Variants in ZFHX3 observed in about 807,000 individuals in gnomAD.
ZFHX3 encodes zinc finger homeobox protein 3.
Under a neutral mutation model 279.1 loss-of-function variants are expected in ZFHX3, and 42 were observed. The observed-to-expected ratio is 0.15, with a 90% CI of 0.12 to 0.19. The LOEUF (loss-of-function observed/expected upper bound fraction) is 0.19. ZFHX3 is among the 10% of genes least tolerant of loss of function. ZFHX3 has a pLI of 1.00. For synonymous variants in ZFHX3, 2,293 were observed against 1,957.8 expected (o/e 1.17, Z -4.52); for missense variants, 4,981 against 4,754.0 (o/e 1.05, Z -1.40).
At chr16:73,507,485 C>CTT (rs752001880) in intron 2 of ZFHX3, among the ~76,000 whole-genome samples, 1,726 of 79,760 alleles carry the variant, frequency 0.022, 183 homozygotes, top group African/African-American at 0.044. Context: ...AGCTCTGCCA[C>CTT]TTTTTTTTTT....
intron 1 of ZFHX3, among the ~76,000 whole-genome samples, chr16:73,000,046 T>C (rs1344133270): frequency 6.6e-6 from 1 of 152,228 alleles, no homozygotes; most frequent in African/African-American, 2.4e-5. Flanking sequence ...CTGGGCTTTG[T>C]TCCCGGAGCC....
chr16:73,632,642 C>T lies in ZFHX3; in HGVS notation c.-1547+47538G>A, dbSNP rs145313795. 6.5e-4 allele frequency among the ~76,000 whole-genome samples: 97 copies of T among 149,990 alleles called. No homozygotes were observed. The East Asian group carries it at 0.017, about 26-fold the overall frequency. On this transcript the variant is annotated intron_variant, in intron 2 of 17. Coordinates refer to the ZFHX3 transcript ENST00000641206. ...TGAAGGTAGCAGTGAGCTGAGATCG[C>T]GCCACTGCACTCCAGCCTGGCAACA...
At chr16:73,503,168 T>A (rs1018338877) in intron 2 of ZFHX3, among the ~76,000 whole-genome samples, 7 of 152,196 alleles carry the variant, frequency 4.6e-5, no homozygotes, top group Admixed American at 4.6e-4. Context: ...CACAATTTCA[T>A]CTCCGAGGTG....
At chr16:73,865,909 C>T (rs8056853) in intron 1 of ZFHX3, among the ~76,000 whole-genome samples, 10,077 of 151,982 alleles carry the variant, frequency 0.066, 822 homozygotes, top group African/African-American at 0.19. Flanking sequence ...GGTGTGAACC[C>T]GGGAGGCAGA....
chr16:73,848,288 C>T (rs1007533703), intron 1 of ZFHX3, among the ~76,000 whole-genome samples: 16 of 152,092 alleles, frequency 1.1e-4, no homozygotes, highest in African/African-American at 3.9e-4. Context: ...TAGGAGCACT[C>T]AGGAGCTTCC....
At chr16:72,971,023 G>C (rs1411228638) in intron 1 of ZFHX3, among the ~76,000 whole-genome samples, 1 of 152,182 alleles carries the variant, frequency 6.6e-6, no homozygotes, top group African/African-American at 2.4e-5. Flanking sequence ...ACCACTGGTA[G>C]GTAGTTTTTC....
intron 3 of ZFHX3, among the ~76,000 whole-genome samples, chr16:73,427,227 T>C (rs922162944): frequency 2.6e-5 from 4 of 152,220 alleles, no homozygotes; most frequent in Non-Finnish European, 5.9e-5. Context: ...ATGCAATATA[T>C]TGTCACTTAT....
At chr16:73,416,898 G>A (rs2017599591) in intron 3 of ZFHX3, among the ~76,000 whole-genome samples, 1 of 151,950 alleles carries the variant, frequency 6.6e-6, no homozygotes, top group African/African-American at 2.4e-5. Flanking sequence ...GCAAGTTGAG[G>A]AGTAGGATAT....
chr16:73,353,408 G>T (rs1030885127), intron 3 of ZFHX3, among the ~76,000 whole-genome samples: 1 of 152,226 alleles, frequency 6.6e-6, no homozygotes. Context: ...ACTGAAATGA[G>T]CACACACTGG....
At chr16:72,947,027 C>T (rs988385261) in intron 3 of ZFHX3, among the ~76,000 whole-genome samples, 4 of 152,196 alleles carry the variant, frequency 2.6e-5, no homozygotes, top group South Asian at 2.1e-4. Flanking sequence ...CAGCCAATCA[C>T]GGGGATCCCA....
intron 3 of ZFHX3, among the ~76,000 whole-genome samples, chr16:73,438,120 T>C (rs1440911791): frequency 6.6e-6 from 1 of 152,164 alleles, no homozygotes; most frequent in East Asian, 1.9e-4. Flanking sequence ...CAATTTTATG[T>C]CCAAGGCAGA....
intron 5 of ZFHX3, among the ~76,000 whole-genome samples, chr16:73,156,980 T>G (rs1008300882): frequency 2.6e-5 from 4 of 151,828 alleles, no homozygotes; most frequent in African/African-American, 7.2e-5. Flanking sequence ...CCAAAGTGCT[T>G]GGATTGCAGG....
chr16:73,378,181 G>A (rs1031631979), intron 3 of ZFHX3, among the ~76,000 whole-genome samples: 14 of 151,902 alleles, frequency 9.2e-5, no homozygotes, highest in African/African-American at 2.7e-4. Context: ...TTCCTGAAAG[G>A]CCTGCTACTC....
At chr16:73,318,551 T>A (rs935977472) in intron 3 of ZFHX3, among the ~76,000 whole-genome samples, 7 of 152,138 alleles carry the variant, frequency 4.6e-5, no homozygotes, top group African/African-American at 1.7e-4. Context: ...TTCTGGCTAA[T>A]AATGCTTCTG....
At chr16:72,988,214 C>A (rs1962927368) in intron 1 of ZFHX3, among the ~76,000 whole-genome samples, 1 of 152,222 alleles carries the variant, frequency 6.6e-6, no homozygotes, top group South Asian at 2.1e-4. Context: ...CAAAATACAT[C>A]AACCCACTAG....
intron 1 of ZFHX3, among the ~76,000 whole-genome samples, chr16:73,876,386 C>T (rs1251490048): frequency 6.6e-6 from 1 of 152,198 alleles, no homozygotes; most frequent in African/African-American, 2.4e-5. Flanking sequence ...CATCTGTATG[C>T]ATGCAGACAC....
chr16:73,152,427 T>C (rs964987967), intron 5 of ZFHX3, among the ~76,000 whole-genome samples: 6 of 152,098 alleles, frequency 3.9e-5, no homozygotes, highest in African/African-American at 1.4e-4. Flanking sequence ...TCAAAGGATA[T>C]TGACTGAGGG....
At position 73,024,643 on chromosome 16, in the gene ZFHX3, C is replaced by T. The variant is rs1443272394; in HGVS notation, c.-50+23109G>A. ...CAATGGCAGCCTTGGGCTGGTCACC[C>T]CTAAACCGCCATGTGTCAGTCGGGT... On this transcript the variant is annotated intron_variant, in intron 1 of 9. Coordinates refer to ENST00000268489, the MANE Select transcript of ZFHX3 (RefSeq NM_006885.4). Among the ~76,000 whole-genome samples the T allele has an allele frequency of 2.0e-5, 3 of 152,230 alleles. No individual in the cohort carries two copies. In the East Asian group the frequency reaches 5.8e-4, roughly 29 times the overall value.
At chr16:73,831,020 G>A (rs1464333410) in intron 1 of ZFHX3, among the ~76,000 whole-genome samples, 3 of 152,162 alleles carry the variant, frequency 2.0e-5, no homozygotes, top group Non-Finnish European at 4.4e-5. Flanking sequence ...CCTTAAGAAT[G>A]CAGATGTTAC....
Sources: gnomAD v4.1 joint callset for allele counts (sites outside exome capture counted in the v4.1 genomes callset) on GRCh38, gnomAD v4.1.1 for gene constraint, MANE v1.5 for transcripts, NCBI Gene and HGNC (gene_info 2026-07-23, HGNC 2026-07-21) for gene names.